Variants in PDE4B observed in about 807,000 individuals in gnomAD.
PDE4B encodes the protein phosphodiesterase 4B, also known as 3',5'-cyclic-AMP phosphodiesterase 4B.
In PDE4B, 20 loss-of-function variants were observed where a neutral mutation model predicts 82.2. That is an observed-to-expected ratio of 0.24 (90% CI 0.17 to 0.35). The LOEUF (loss-of-function observed/expected upper bound fraction) is 0.35, where lower values mean the gene tolerates loss of function less well. PDE4B is among the 10% of genes least tolerant of loss of function. The probability of loss-of-function intolerance (pLI) is 1.00; values close to 1 mark genes in which losing one functional copy is unlikely to be tolerated. For missense variants in PDE4B, 655 were observed against 907.2 expected, an observed-to-expected ratio of 0.72 and a Z score of 3.57; for synonymous variants, 320 against 318.9, an observed-to-expected ratio of 1.00 and a Z score of -0.04.
In PDE4B at chr1:66,048,137, A is replaced by G. The variant is rs184874533; in HGVS notation, c.281+129302A>G. Among the ~76,000 whole-genome samples the G allele has an allele frequency of 3.4e-4, 51 of 151,842 alleles. No homozygotes were observed. The Middle Eastern group carries it at 0.01, about 30-fold the overall frequency. On this transcript the variant is annotated intron_variant, in intron 3 of 16. Transcript: ENST00000341517. The stretch of plus-strand genomic sequence containing the variant: ...AAGCTCACGGTTCTCTCATTGCTGT[A>G]CCTCCTGTACTAGCCTCTGAATGCA...
chr1:66,048,690 T>A (rs1297622550), intron 3 of PDE4B: 1 of 151,996 alleles, frequency 6.6e-6, no homozygotes, highest in Non-Finnish European at 1.5e-5. Flanking sequence ...GCAGTGGAGA[T>A]GCTGGAATAG....
chr1:66,056,581 T>G (rs1353059736), intron 3 of PDE4B, among the ~76,000 whole-genome samples: 1 of 151,880 alleles, frequency 6.6e-6, no homozygotes, highest in East Asian at 1.9e-4. Context: ...GAAGAAACTT[T>G]GTGGATGTGA....
At chr1:65,913,989 A>G (rs1647127404) in intron 2 of PDE4B, among the ~76,000 whole-genome samples, 1 of 152,196 alleles carries the variant, frequency 6.6e-6, no homozygotes, top group Non-Finnish European at 1.5e-5. Flanking sequence ...TATCTTCTAT[A>G]GCTTTGGATC....
In PDE4B at chr1:65,975,700, A is replaced by T. The variant is rs74828066; in HGVS notation, c.281+56865A>T. Reference sequence around the variant, plus strand: ...TGGAACAAGGCACCTTGCATCCCAGACACTCCAGCTCCAGCTGTGGCTAAA... The same window carrying T: ...TGGAACAAGGCACCTTGCATCCCAGTCACTCCAGCTCCAGCTGTGGCTAAA... On this transcript the variant is annotated intron_variant, in intron 3 of 16. Transcript: ENST00000341517. Among the ~76,000 whole-genome samples, 316 of 152,280 alleles carry T rather than the reference A, an allele frequency of 2.1e-3. 2 individuals carry two copies. The highest frequency in any genetic ancestry group is 7.4e-3 in the African/African-American group (307 of 41,570).
intron 7 of PDE4B, among the ~76,000 whole-genome samples, chr1:66,312,018 A>G (rs1658709004): frequency 6.6e-6 from 1 of 152,194 alleles, no homozygotes; most frequent in South Asian, 2.1e-4. Flanking sequence ...ATATAGAGAA[A>G]TTCACCTCAG....
intron 1 of PDE4B, among the ~76,000 whole-genome samples, chr1:65,826,477 G>C (rs1646018787): frequency 6.6e-6 from 1 of 152,098 alleles, no homozygotes; most frequent in African/African-American, 2.4e-5. Flanking sequence ...GGTCCCACCA[G>C]GTACTCAGAG....
rs1296228295 is a variant in PDE4B, at chr1:66,365,725, T to C, written c.1343T>C (p.Val448Ala). Residue 448 changes from valine (V) to alanine (A), a missense_variant, in exon 13 of 17, where the codon GTT becomes GCT. Physicochemically the swap from Val to Ala is moderately conservative, Grantham distance 64. This residue lies in a region of PDE4B where 283 missense variants were observed against 516.4 expected (regional missense o/e 0.55). Transcript: ENST00000341517. ...ATTTTTGCAGCTGCCATCCATGACG[T>C]TGATCATCCTGGAGTCTCCAATCAG... The part of the protein sequence containing the change: ...AAIFAAAIHD[V>A]DHPGVSNQFL... The C allele has an allele frequency of 6.2e-7, 1 of 1,609,592 alleles. No individual in the cohort carries two copies. Among genetic ancestry groups the C allele is most frequent in the South Asian group, 1.1e-5 (1 of 90,620 alleles).
intron 1 of PDE4B, among the ~76,000 whole-genome samples, chr1:65,816,190 A>AGTATGTGTGTGTGT (rs1553186974): frequency 1.5e-5 from 2 of 132,798 alleles, no homozygotes; most frequent in African/African-American, 5.7e-5. Flanking sequence ...TTATTAATGC[A>AGTATGTGTGTGTGT]GTGTGTGTGT....
intron 3 of PDE4B, among the ~76,000 whole-genome samples, chr1:66,164,880 A>AG (rs1646698403): frequency 6.7e-6 from 1 of 149,984 alleles, no homozygotes; most frequent in East Asian, 2.0e-4. Context: ...CTCCTGCCTC[A>AG]GCCTCCCGAG....
intron 1 of PDE4B, among the ~76,000 whole-genome samples, chr1:65,858,947 A>G (rs1646424506): frequency 6.6e-6 from 1 of 152,088 alleles, no homozygotes; most frequent in African/African-American, 2.4e-5. Flanking sequence ...CTTTACTTCC[A>G]TTTCAGAGAT....
Position 66,074,957 on chromosome 1 carries a change from A to G in PDE4B, c.281+156122A>G, listed in dbSNP as rs75516575. On this transcript the variant is annotated intron_variant, in intron 3 of 16. Coordinates refer to ENST00000341517, the MANE Select transcript of PDE4B (RefSeq NM_002600.4). Reference sequence around the variant, plus strand: ...GTGATGTAGAGCAGGTGAGCCCCCAAATTGGGTCTTAGCGCAGGAGGGTTT... The same window carrying G: ...GTGATGTAGAGCAGGTGAGCCCCCAGATTGGGTCTTAGCGCAGGAGGGTTT... 7.0e-3 allele frequency among the ~76,000 whole-genome samples: 1,064 copies of G among 152,100 alleles called. 29 individuals carry two copies. Among genetic ancestry groups the G allele is most frequent in the East Asian group, 0.05 (257 of 5,090 alleles).
Position 66,290,248 on chromosome 1 carries a change from A to G in PDE4B, c.634+24161A>G, listed in dbSNP as rs1656970890. On this transcript the variant is annotated intron_variant, in intron 7 of 16. Transcript: ENST00000341517. ...CAGGTTGAGGTGTTGGCCTTTGTTAACAGCAGGGACACCTGGTGAAAGAAG... is the reference window on the plus strand; with the variant it reads ...CAGGTTGAGGTGTTGGCCTTTGTTAGCAGCAGGGACACCTGGTGAAAGAAG... Among the ~76,000 whole-genome samples, 3 of 152,126 alleles carry G rather than the reference A, an allele frequency of 2.0e-5. No individual in the cohort carries two copies. The South Asian group carries it at 6.2e-4, about 32-fold the overall frequency.
At chr1:66,246,981 T>C (rs891715249) in intron 3 of PDE4B, among the ~76,000 whole-genome samples, 1 of 152,242 alleles carries the variant, frequency 6.6e-6, no homozygotes, top group African/African-American at 2.4e-5. Context: ...GTGTATTGTA[T>C]ATTTAATGAG....
At chr1:65,954,510 T>C (rs1270423065) in intron 3 of PDE4B, among the ~76,000 whole-genome samples, 1 of 152,082 alleles carries the variant, frequency 6.6e-6, no homozygotes, top group Non-Finnish European at 1.5e-5. Flanking sequence ...GATCTCATCA[T>C]GATCTTATCA....
chr1:65,871,359 A>T (rs1646571317), intron 1 of PDE4B, among the ~76,000 whole-genome samples: 1 of 152,206 alleles, frequency 6.6e-6, no homozygotes, highest in Non-Finnish European at 1.5e-5. Context: ...AATCTGAACT[A>T]GTCTGTTAGT....
intron 1 of PDE4B, among the ~76,000 whole-genome samples, chr1:65,869,900 A>G (rs1646554540): frequency 1.3e-5 from 2 of 152,220 alleles, no homozygotes; most frequent in Middle Eastern, 3.4e-3. Context: ...CAACTAACAG[A>G]AATCCTCTCA....
chr1:66,308,153 C>G (rs1658416402), intron 7 of PDE4B, among the ~76,000 whole-genome samples: 1 of 152,038 alleles, frequency 6.6e-6, no homozygotes, highest in African/African-American at 2.4e-5. Context: ...CTCCAGTAGC[C>G]AGGAAGGAAA....
At chr1:66,064,793 A>G (rs1195121919) in intron 3 of PDE4B, among the ~76,000 whole-genome samples, 2 of 152,000 alleles carry the variant, frequency 1.3e-5, no homozygotes, top group African/African-American at 4.8e-5. Context: ...CTTAACTATT[A>G]GTAGCATTTA....
intron 7 of PDE4B, among the ~76,000 whole-genome samples, chr1:66,329,241 T>G (rs900721628): frequency 6.6e-6 from 1 of 152,168 alleles, no homozygotes; most frequent in African/African-American, 2.4e-5. Context: ...TTGTGACAAG[T>G]GTACCATAAT....
Sources: allele counts gnomAD v4.1 joint callset (sites outside exome capture counted in the v4.1 genomes callset), GRCh38; gene constraint gnomAD v4.1.1; regional missense constraint gnomAD v4.1.1; transcripts MANE v1.5; gene names NCBI Gene and HGNC (gene_info 2026-07-23, HGNC 2026-07-21).